GABRG1: variants seen among roughly 807,000 people sequenced by gnomAD.
GABRG1 encodes the protein gamma-aminobutyric acid type A receptor subunit gamma1.
In GABRG1, 49 loss-of-function variants were observed where a neutral mutation model predicts 49.8. The ratio of observed to expected loss-of-function variants is 0.98; its 90% CI spans 0.78 to 1.25. The LOEUF (loss-of-function observed/expected upper bound fraction) is 1.25, where lower values mean the gene tolerates loss of function less well. Ranked by LOEUF, GABRG1 falls within the 50% of genes most tolerant of loss-of-function variation. The pLI, the probability that GABRG1 is intolerant of heterozygous loss-of-function variation, is 0.00. For missense variants in GABRG1, 552 were observed against 552.3 expected, an observed-to-expected ratio of 1.00 and a Z score of 0.01; for synonymous variants, 232 against 185.1, an observed-to-expected ratio of 1.25 and a Z score of -2.06.
At chr4:46,097,984 GA>G (rs779263202) in intron 1 of GABRG1, among the ~76,000 whole-genome samples, 2 of 151,604 alleles carry the variant, frequency 1.3e-5, no homozygotes, top group South Asian at 4.2e-4. Context: ...ATATATTTGG[GA>G]GGAGGCATAA....
In GABRG1 at chr4:46,039,206, T is replaced by C. The variant is rs569724432; in HGVS notation, c.*1782A>G. The C allele has an allele frequency of 6.6e-6, 1 of 151,722 alleles. No homozygotes were observed. The highest frequency in any genetic ancestry group is 2.1e-4 in the South Asian group (1 of 4,828). The allele number at this position is 151,722 out of a possible 1,614,324, so 9.4% of individuals were successfully genotyped here. A position where few individuals can be genotyped will look rare whatever the true frequency, so the allele number is the denominator to read the frequency against. ...AATGAATGTATGAATAATCTGTAAATGAATATATAGATGGCCAAAGTTTAG... is the reference window on the plus strand; with the variant it reads ...AATGAATGTATGAATAATCTGTAAACGAATATATAGATGGCCAAAGTTTAG... On this transcript the variant is annotated 3_prime_UTR_variant, in exon 9 of 9. Coordinates refer to ENST00000295452, the MANE Select transcript of GABRG1 (RefSeq NM_173536.4).
At chr4:46,111,228 A>C (rs1720703108) in intron 1 of GABRG1, among the ~76,000 whole-genome samples, 1 of 150,936 alleles carries the variant, frequency 6.6e-6, no homozygotes, top group South Asian at 2.1e-4. Flanking sequence ...AGTCAAATCA[A>C]GAATGTAATC....
intron 7 of GABRG1, among the ~76,000 whole-genome samples, chr4:46,052,925 G>T (rs1349879010): frequency 6.6e-6 from 1 of 151,534 alleles, no homozygotes; most frequent in Non-Finnish European, 1.5e-5. Flanking sequence ...TCATTTCTTA[G>T]GATTGGAGAA....
intron 3 of GABRG1, among the ~76,000 whole-genome samples, chr4:46,070,743 A>T (rs1429557160): frequency 6.6e-6 from 1 of 152,092 alleles, no homozygotes; most frequent in African/African-American, 2.4e-5. Context: ...TTAGGGAGCC[A>T]GGGAAGAGTT....
intron 3 of GABRG1, among the ~76,000 whole-genome samples, chr4:46,078,755 C>A (rs1019205330): frequency 6.6e-6 from 1 of 151,898 alleles, no homozygotes; most frequent in African/African-American, 2.4e-5. Flanking sequence ...CCTCTTAAAG[C>A]TATTTGACCA....
chr4:46,120,198 A>G (rs558938113), intron 1 of GABRG1, among the ~76,000 whole-genome samples: 2 of 151,812 alleles, frequency 1.3e-5, no homozygotes, highest in South Asian at 4.1e-4. Context: ...TACTCTCTTG[A>G]AGCTCATTCT....
chr4:46,057,612 A>C (rs1718502348), intron 7 of GABRG1, among the ~76,000 whole-genome samples: 1 of 152,112 alleles, frequency 6.6e-6, no homozygotes, highest in South Asian at 2.1e-4. Context: ...CTATTTTGTC[A>C]AGTATGAATC....
intron 8 of GABRG1, among the ~76,000 whole-genome samples, chr4:46,043,025 G>T (rs1394218098): frequency 6.6e-6 from 1 of 151,734 alleles, no homozygotes; most frequent in Non-Finnish European, 1.5e-5. Context: ...AGAGAGAGAC[G>T]AATTGGTACC....
chr4:46,043,931 T>C (rs1717884178), intron 8 of GABRG1, among the ~76,000 whole-genome samples: 2 of 152,078 alleles, frequency 1.3e-5, no homozygotes, highest in South Asian at 2.1e-4. Flanking sequence ...TATTTACATA[T>C]AGTTATTACT....
chr4:46,044,799 T>C (rs1717926398), intron 8 of GABRG1, among the ~76,000 whole-genome samples: 1 of 152,028 alleles, frequency 6.6e-6, no homozygotes. Flanking sequence ...ATGTAGAGAG[T>C]AAAGATGACG....
At position 46,073,618 on chromosome 4, in the gene GABRG1, G is replaced by A. The variant is rs191656786; in HGVS notation, c.322-8034C>T. Among the ~76,000 whole-genome samples, 326 of 151,930 alleles carry A rather than the reference G, an allele frequency of 2.1e-3. 3 individuals carry two copies. The highest frequency in any genetic ancestry group is 7.6e-3 in the African/African-American group (316 of 41,482). On this transcript the variant is annotated intron_variant, in intron 3 of 8. Transcript: ENST00000295452. ...GCTTCCTAAGTATGAAACATAGTAT[G>A]GTAACAAATATACAAAAGATCCCCT...
In GABRG1 at chr4:46,040,837, A is replaced by T; in HGVS notation, c.*151T>A. On this transcript the variant is annotated 3_prime_UTR_variant, in exon 9 of 9. Coordinates refer to ENST00000295452, the MANE Select transcript of GABRG1 (RefSeq NM_173536.4). ...TAGCCTGAAAGCTGCTACTTTATTT[A>T]CTTCTGAAGGCCTTAAAATAGTTAC... 3 of 719,994 alleles carry T rather than the reference A, an allele frequency of 4.2e-6. No individual in the cohort carries two copies. The highest frequency in any genetic ancestry group is 6.5e-6 in the Non-Finnish European group (3 of 464,582). The allele number at this position is 719,994 out of a possible 1,614,324, so 44.6% of individuals were successfully genotyped here. A position where few individuals can be genotyped will look rare whatever the true frequency, so the allele number is the denominator to read the frequency against.
At chr4:46,109,955 G>T (rs1001439438) in intron 1 of GABRG1, among the ~76,000 whole-genome samples, 1 of 151,072 alleles carries the variant, frequency 6.6e-6, no homozygotes, top group Non-Finnish European at 1.5e-5. Flanking sequence ...CTTGGAGTAG[G>T]TTCCATGTGC....
chr4:46,095,495 T>C (rs1720136452), intron 2 of GABRG1, among the ~76,000 whole-genome samples: 1 of 151,782 alleles, frequency 6.6e-6, no homozygotes. Flanking sequence ...AAGACTTCAG[T>C]TGAAACCTTT....
intron 1 of GABRG1, among the ~76,000 whole-genome samples, chr4:46,118,050 G>A (rs567130677): frequency 1.7e-5 from 2 of 115,782 alleles, no homozygotes; most frequent in South Asian, 4.5e-4. Flanking sequence ...ATGTATACAT[G>A]TGTGTATGTA....
At chr4:46,079,347 C>T (rs1021791171) in intron 3 of GABRG1, among the ~76,000 whole-genome samples, 19 of 151,842 alleles carry the variant, frequency 1.3e-4, no homozygotes, top group African/African-American at 3.4e-4. Flanking sequence ...GCCCTGTCTC[C>T]GTTACTAAGA....
chr4:46,064,519 T>C lies in GABRG1; in HGVS notation c.547A>G (p.Thr183Ala). The change falls in exon 5 of 9, where the codon ACA becomes GCA. Residue 183 changes from threonine to alanine, a missense_variant. Coordinates refer to ENST00000295452, the MANE Select transcript of GABRG1 (RefSeq NM_173536.4). Reference sequence around the variant, plus strand: ...TGAAGATAACATTCTGCATTAATTGTCAATCTATTTAGATGGAAAGAAAAG... The same window carrying C: ...TGAAGATAACATTCTGCATTAATTGCCAATCTATTTAGATGGAAAGAAAAG... ...DGRVLYTLRL[T>A]INAECYLQLH... 4 of 1,478,674 alleles carry C rather than the reference T, an allele frequency of 2.7e-6. No individual in the cohort carries two copies. Among genetic ancestry groups the C allele is most frequent in the Non-Finnish European group, 3.7e-6 (4 of 1,093,180 alleles). The allele number at this position is 1,478,674 out of a possible 1,614,324, so 91.6% of individuals were successfully genotyped here. A position where few individuals can be genotyped will look rare whatever the true frequency, so the allele number is the denominator to read the frequency against.
At chr4:46,114,157 T>A (rs538168626) in intron 1 of GABRG1, among the ~76,000 whole-genome samples, 1 of 151,204 alleles carries the variant, frequency 6.6e-6, no homozygotes, top group East Asian at 2.0e-4. Flanking sequence ...GTACAAAAGC[T>A]ATAGAAAAGC....
intron 1 of GABRG1, among the ~76,000 whole-genome samples, chr4:46,118,543 C>G (rs1721003108): frequency 6.6e-6 from 1 of 151,000 alleles, no homozygotes; most frequent in Admixed American, 6.6e-5. Context: ...TCCTGTTCAT[C>G]TAGCATATAA....
Sources: gnomAD v4.1 joint callset for allele counts (sites outside exome capture counted in the v4.1 genomes callset) on GRCh38, gnomAD v4.1.1 for gene constraint, MANE v1.5 for transcripts, NCBI Gene and HGNC (gene_info 2026-07-23, HGNC 2026-07-21) for gene names.